The following NPHP4 variants were observed in gnomAD, a reference collection of about 807,000 sequenced individuals.
The protein encoded by NPHP4 is nephrocystin 4, also known as nephrocystin-4.
A neutral mutation model predicts 155.8 loss-of-function variants in NPHP4; 151 were observed. That is an observed-to-expected ratio of 0.97 (90% CI 0.85 to 1.11). The LOEUF is 1.11. NPHP4 is among the 50% of genes least tolerant of loss of function. The probability of loss-of-function intolerance (pLI) is 0.00; values close to 1 mark genes in which losing one functional copy is unlikely to be tolerated. For synonymous variants in NPHP4, 845 were observed against 816.8 expected, an observed-to-expected ratio of 1.03 and a Z score of -0.59; for missense variants, 1,956 against 1,925.7, an observed-to-expected ratio of 1.02 and a Z score of -0.29.
chr1:5,930,432 C>T lies in NPHP4; in HGVS notation c.1303-2645G>A, dbSNP rs1294734192. Among the ~76,000 whole-genome samples, 3 of 152,254 alleles carry T rather than the reference C, an allele frequency of 2.0e-5. No individual in the cohort carries two copies. The East Asian group carries it at 5.8e-4, about 29-fold the overall frequency. On this transcript the variant is annotated intron_variant, in intron 10 of 29. Transcript: ENST00000378156. ...TTTCTGTTCTAATATAAGCACCTAA[C>T]GCTAAGCATATTTGAGCTGCATCCT...
At chr1:5,933,075 C>T in intron 10 of NPHP4, 72 bp downstream of exon 10, 1 of 1,240,992 alleles carries the variant, frequency 8.1e-7, no homozygotes. Flanking sequence ...TATTTGTGAA[C>T]TTTTGCTTTT....
At chr1:5,938,186 C>T (rs897507074) in intron 9 of NPHP4, among the ~76,000 whole-genome samples, 3 of 152,238 alleles carry the variant, frequency 2.0e-5, no homozygotes, top group Admixed American at 1.3e-4. Flanking sequence ...GCTCAGGGCA[C>T]GGGCTGAGGG....
In NPHP4 at chr1:5,863,285, C is replaced by T. The variant is rs371657189; in HGVS notation, c.4261G>A (p.Val1421Met). 3.0e-5 allele frequency: 48 copies of T among 1,614,048 alleles called. No homozygotes were observed. Among genetic ancestry groups the T allele is most frequent in the African/African-American group, 1.7e-4 (13 of 75,062 alleles). The change falls in exon 30 of 30, where the codon GTG becomes ATG. Residue 1421 changes from valine (V) to methionine (M), a missense_variant. Physicochemically the swap from Val to Met is conservative, Grantham distance 21. Transcript: ENST00000378156. The part of the protein sequence containing the change: ...HEDKNEEAFC[V>M]KVIYQ ...AGCCCTCACTGGTAGATGACCTTCA[C>T]GCAAAATGCCTCTTCGTTTTTGTCC...
rs1205744919 is a variant in NPHP4, at chr1:5,863,881, C to A, written c.4140+9G>T. The A allele has an allele frequency of 6.2e-7, 1 of 1,613,762 alleles. No homozygotes were observed. On this transcript the variant is annotated intron_variant, in intron 29 of 29. Transcript: ENST00000378156. ...TCCCCTAGGAGTCCCAGGCACAGCC[C>A]CACCACACCTGGAAGGAGTCCTCTC...
chr1:5,946,604 T>G (rs1647110422), intron 9 of NPHP4, among the ~76,000 whole-genome samples: 1 of 152,244 alleles, frequency 6.6e-6, no homozygotes, highest in Non-Finnish European at 1.5e-5. Context: ...ATACAACTCC[T>G]GAAACCCCCG....
rs1196644142 is a variant in NPHP4 at position 5,952,831 on chromosome 1, C to T, written c.679G>A (p.Ala227Thr). Reference sequence around the variant, plus strand: ...TTCTGGAGGCGAGGCTTTCGGAGAGCGTCGCCTGAAACAGTGAGGGTGCGA... The same window carrying T: ...TTCTGGAGGCGAGGCTTTCGGAGAGTGTCGCCTGAAACAGTGAGGGTGCGA... ...LLPAHGESGD[A>T]LRKPRLQKPI... Residue 227 changes from alanine to threonine, a missense_variant, in exon 7 of 30, where the codon GCT (alanine) becomes ACT (threonine). Ala to Thr is a moderately conservative substitution (Grantham distance 58). Transcript: ENST00000378156. 5.6e-6 allele frequency: 9 copies of T among 1,599,296 alleles called. No individual in the cohort carries two copies. Among genetic ancestry groups the T allele is most frequent in the East Asian group, 4.5e-5 (2 of 44,242 alleles).
intron 26 of NPHP4, 144 bp from the exon 27 acceptor site, chr1:5,865,417 C>G (rs1313133915): frequency 1.4e-6 from 1 of 701,756 alleles, no homozygotes; most frequent in East Asian, 2.8e-5. Flanking sequence ...GGAGGCAGAG[C>G]TGGGGCCACG....
Position 5,865,176 on chromosome 1 carries a change from G to A in NPHP4, c.3742C>T (p.Leu1248=), listed in dbSNP as rs1442867624. 1 of 1,613,104 alleles carries A rather than the reference G, an allele frequency of 6.2e-7. No homozygotes were observed. The change falls in exon 27 of 30, where the codon CTG becomes TTG. Residue 1248 remains leucine, a synonymous_variant. Transcript: ENST00000378156. ...TGTGTCCCCCGAAGGACAAGGGACA[G>A]GCGGGTCAGCTGGCCTGCGACGCAG... The part of the protein sequence containing the change: ...VSCVAGQLTR[L]SLVLRGTQTV...
rs530857932 is a variant in NPHP4, at chr1:5,910,754, C to T, written c.1442-1541G>A. Among the ~76,000 whole-genome samples, 2 of 152,340 alleles carry T rather than the reference C, an allele frequency of 1.3e-5. No individual in the cohort carries two copies. Among genetic ancestry groups the T allele is most frequent in the Non-Finnish European group, 1.5e-5 (1 of 68,030 alleles). On this transcript the variant is annotated intron_variant, in intron 11 of 29. Coordinates refer to ENST00000378156, the MANE Select transcript of NPHP4 (RefSeq NM_015102.5). This position sits in a 1 kb window ranked among gnomAD's most constrained non-coding sequence, Gnocchi z 5.4. ...GTGCCGCCCTAACACCAGAGCTGCA[C>T]GACCATCGGAGCCAATCCCCGCCGT...
intron 19 of NPHP4, among the ~76,000 whole-genome samples, chr1:5,877,677 G>C (rs1334791830): frequency 6.6e-6 from 1 of 152,166 alleles, no homozygotes. Flanking sequence ...TCAGCCCCTC[G>C]GATCAGGAAT....
At chr1:5,876,954 A>C in intron 20 of NPHP4, 139 bp downstream of exon 20, 1 of 575,874 alleles carries the variant, frequency 1.7e-6, no homozygotes, top group East Asian at 3.5e-5. Flanking sequence ...TGGCTGAAAA[A>C]GTCCGATTTT....
Position 5,867,188 on chromosome 1 carries a change from C to T in NPHP4, c.3473-73G>A. On this transcript the variant is annotated intron_variant, in intron 24 of 29. Transcript: ENST00000378156. This position sits in a 1 kb window ranked among gnomAD's most constrained non-coding sequence, Gnocchi z 4.1. ...TGTGTGGAGAAGGCCCCACACATTA[C>T]ACACTATAGGACAGGACAGGCTCGT... 1 of 1,162,574 alleles carries T rather than the reference C, an allele frequency of 8.6e-7. No homozygotes were observed. The highest frequency in any genetic ancestry group is 1.3e-6 in the Non-Finnish European group (1 of 793,658). The allele number at this position is 1,162,574 out of a possible 1,614,324, so 72.0% of individuals were successfully genotyped here.
chr1:5,954,508 A>G (rs1241007594), intron 6 of NPHP4, among the ~76,000 whole-genome samples: 1 of 152,224 alleles, frequency 6.6e-6, no homozygotes, highest in Non-Finnish European at 1.5e-5. Context: ...GGTTTGCCCA[A>G]TGGAACAGAA....
chr1:5,909,567 C>G (rs926265300), intron 11 of NPHP4, among the ~76,000 whole-genome samples: 2 of 152,166 alleles, frequency 1.3e-5, no homozygotes, highest in Admixed American at 6.5e-5. Flanking sequence ...GAGCTGGGGT[C>G]TGAGGTTGCC....
At chr1:5,964,206 G>T (rs554948689) in intron 5 of NPHP4, among the ~76,000 whole-genome samples, 5 of 152,242 alleles carry the variant, frequency 3.3e-5, no homozygotes, top group African/African-American at 1.2e-4. Context: ...CTGGACAAGC[G>T]CATTAGCTTC....
At chr1:5,940,619 T>C (rs1646770163) in intron 9 of NPHP4, among the ~76,000 whole-genome samples, 1 of 152,094 alleles carries the variant, frequency 6.6e-6, no homozygotes, top group African/African-American at 2.4e-5. Flanking sequence ...TAAATAATAA[T>C]GACTGTCTAC....
rs761721701 is a variant in NPHP4 at position 5,887,290 on chromosome 1, G to A, written c.2481C>T (p.Asn827=). The change falls in exon 18 of 30, where the codon AAC becomes AAT. Residue 827 remains asparagine (N), a synonymous_variant. Transcript: ENST00000378156. ...VKGRLHLTLA[N]VGHPCEQKVR... ...CACAAGGCTGGGGACTCTTACCCAC[G>A]TTGGCCAAAGTCAGGTGCAGCCGGC... 6.8e-6 allele frequency: 11 copies of A among 1,612,250 alleles called. No individual in the cohort carries two copies. Among genetic ancestry groups the A allele is most frequent in the South Asian group, 2.2e-5 (2 of 90,886 alleles).
At chr1:5,912,824 G>A (rs374359089) in intron 11 of NPHP4, among the ~76,000 whole-genome samples, 17 of 152,146 alleles carry the variant, frequency 1.1e-4, no homozygotes, top group African/African-American at 2.9e-4. Context: ...CTCCCAACAC[G>A]GAGCCCCTCC....
intron 18 of NPHP4, among the ~76,000 whole-genome samples, chr1:5,883,735 G>A (rs536717138): frequency 3.9e-5 from 6 of 152,310 alleles, no homozygotes; most frequent in South Asian, 4.1e-4. Flanking sequence ...ATCTGATAGC[G>A]AATGGTTCCC....
Sources: allele counts gnomAD v4.1 joint callset (sites outside exome capture counted in the v4.1 genomes callset), GRCh38; gene constraint gnomAD v4.1.1; non-coding constraint Gnocchi (gnomAD v3.1); transcripts MANE v1.5; gene names NCBI Gene and HGNC (gene_info 2026-07-23, HGNC 2026-07-21).